Variants in KIF13A observed in about 807,000 individuals in gnomAD.
KIF13A encodes the protein kinesin family member 13A, also known as kinesin-like protein KIF13A.
A neutral mutation model predicts 212.2 loss-of-function variants in KIF13A; 79 were observed. That is an observed-to-expected ratio of 0.37 (90% CI 0.31 to 0.45). The LOEUF (loss-of-function observed/expected upper bound fraction) is 0.45. Ranked by LOEUF, KIF13A falls within the 20% of genes least tolerant of loss-of-function variation. The pLI is 1.00. For synonymous variants in KIF13A, 789 were observed against 808.6 expected, an observed-to-expected ratio of 0.98 and a Z score of 0.41; for missense variants, 1,901 against 2,209.0, an observed-to-expected ratio of 0.86 and a Z score of 2.79.
intron 2 of KIF13A, among the ~76,000 whole-genome samples, chr6:17,922,608 TA>T (rs11285603): frequency 0.76 from 110,800 of 145,204 alleles, 42,060 homozygotes; most frequent in South Asian, 0.83. Context: ...ATGAAAAACT[TA>T]AAAAAAAAAA....
rs187203586 is a variant in KIF13A at position 17,816,172 on chromosome 6, C to G, written c.2000+848G>C. ...GACCTCAGGCGATCCGCTGCCTTGG[C>G]CTCCCAAAGTGCTGGGATTACAGGC... On this transcript the variant is annotated intron_variant, in intron 17 of 38. Transcript: ENST00000259711. This position sits in a 1 kb window ranked among gnomAD's most constrained non-coding sequence, Gnocchi z 4.3. 4.2e-4 allele frequency among the ~76,000 whole-genome samples: 64 copies of G among 151,904 alleles called. No homozygotes were observed. The highest frequency in any genetic ancestry group is 7.9e-4 in the Admixed American group (12 of 15,250).
rs543902874 is a variant in KIF13A at position 17,828,443 on chromosome 6, T to C, written c.1402-73A>G. ...TCAGCAAAAATGTATCACAATCAATTTGAATAACGCAGCAGCATATGCACA... is the reference window on the plus strand; with the variant it reads ...TCAGCAAAAATGTATCACAATCAATCTGAATAACGCAGCAGCATATGCACA... On this transcript the variant is annotated intron_variant, in intron 13 of 38. Coordinates refer to ENST00000259711, the MANE Select transcript of KIF13A (RefSeq NM_022113.6). The surrounding 1 kb of genome is among the most constrained non-coding windows in gnomAD (Gnocchi z 4.3). 9.7e-6 allele frequency: 13 copies of C among 1,337,474 alleles called. No homozygotes were observed. The highest frequency in any genetic ancestry group is 2.4e-5 in the East Asian group (1 of 42,394). 82.9% of individuals were successfully genotyped at this position (1,337,474 alleles called of 1,614,324 possible). A position where few individuals can be genotyped will look rare whatever the true frequency, so the allele number is the denominator to read the frequency against.
At chr6:17,966,891 G>C (rs917844607) in intron 2 of KIF13A, among the ~76,000 whole-genome samples, 4 of 152,164 alleles carry the variant, frequency 2.6e-5, no homozygotes, top group African/African-American at 9.7e-5. Flanking sequence ...TTAAAGCACA[G>C]TGAGGTTAAG....
In KIF13A at chr6:17,837,580, C is replaced by T. The variant is rs774464987; in HGVS notation, c.834G>A (p.Ser278=). The change falls in exon 10 of 39, where the codon TCG becomes TCA. Residue 278 remains serine (S), a synonymous_variant. Transcript: ENST00000259711. This position sits in a 1 kb window ranked among gnomAD's most constrained non-coding sequence, Gnocchi z 5.4. ...RLKEGSNINK[S]LTTLGLVISS... is the part of the protein sequence containing the mutation. Reference sequence around the variant, plus strand: ...ATATAACCAACCCCAAGGTTGTAAGCGATCTGTCAAGAAAAAATGAAAAAT... The same window carrying T: ...ATATAACCAACCCCAAGGTTGTAAGTGATCTGTCAAGAAAAAATGAAAAAT... 16 of 1,595,736 alleles carry T rather than the reference C, an allele frequency of 1.0e-5. No individual in the cohort carries two copies. Among genetic ancestry groups the T allele is most frequent in the Middle Eastern group, 3.3e-4 (2 of 6,036 alleles).
At chr6:17,894,516 C>A (rs2150476538) in intron 3 of KIF13A, among the ~76,000 whole-genome samples, 1 of 151,250 alleles carries the variant, frequency 6.6e-6, no homozygotes, top group Middle Eastern at 3.4e-3. Context: ...TTTTTTTTTA[C>A]AGAAGTTTTA....
chr6:17,859,754 G>A (rs184157033), intron 4 of KIF13A, among the ~76,000 whole-genome samples: 4 of 150,138 alleles, frequency 2.7e-5, no homozygotes, highest in Non-Finnish European at 4.4e-5. Flanking sequence ...TCCTGCCTCC[G>A]CCTCCTGAGT....
chr6:17,861,207 T>G (rs1768744970), intron 4 of KIF13A, among the ~76,000 whole-genome samples: 1 of 151,994 alleles, frequency 6.6e-6, no homozygotes, highest in Non-Finnish European at 1.5e-5. Context: ...CTGAAAAAAT[T>G]TTTCATTCTC....
chr6:17,791,412 C>A (rs1581933725), intron 25 of KIF13A, among the ~76,000 whole-genome samples: 3 of 145,744 alleles, frequency 2.1e-5, no homozygotes, highest in East Asian at 2.0e-4. Context: ...AACACTGTGA[C>A]AACAACAAAA....
intron 3 of KIF13A, among the ~76,000 whole-genome samples, chr6:17,877,967 C>T (rs902502112): frequency 2.6e-5 from 4 of 152,184 alleles, no homozygotes; most frequent in Non-Finnish European, 5.9e-5. Context: ...TATTGAGTAC[C>T]TATTGTGTGC....
chr6:17,868,989 C>CAAAAAAAAAAAAAAAAAAA (rs71002278), intron 4 of KIF13A, among the ~76,000 whole-genome samples: 2 of 20,920 alleles, frequency 9.6e-5, no homozygotes, highest in African/African-American at 1.4e-4. Context: ...GACTCCCTCT[C>CAAAAAAAAAAAAAAAAAAA]AAAAAAAAAA....
At chr6:17,954,303 C>CAAAAAA (rs71002291) in intron 2 of KIF13A, among the ~76,000 whole-genome samples, 7 of 107,212 alleles carry the variant, frequency 6.5e-5, no homozygotes, top group African/African-American at 2.3e-4. Flanking sequence ...GACTCCATCT[C>CAAAAAA]AAAAAAAAAA....
At position 17,951,450 on chromosome 6, in the gene KIF13A, A is replaced by G. The variant is rs769980830; in HGVS notation, c.146+35604T>C. The G allele has an allele frequency of 3.5e-6, 2 of 571,236 alleles. No homozygotes were observed. The highest frequency in any genetic ancestry group is 4.4e-5 in the South Asian group (2 of 45,102). 35.4% of individuals were successfully genotyped at this position (571,236 alleles called of 1,614,324 possible). A position where few individuals can be genotyped will look rare whatever the true frequency, so the allele number is the denominator to read the frequency against. ...CCAGCCTCAATTTAAAAAAAAAAAA[A>G]AAACAGCTTTAAGATATAATTTATA... On this transcript the variant is annotated intron_variant, in intron 2 of 38. Coordinates refer to ENST00000259711, the MANE Select transcript of KIF13A (RefSeq NM_022113.6). The surrounding 1 kb of genome is among the most constrained non-coding windows in gnomAD (Gnocchi z 4.9).
At chr6:17,832,979 A>T (rs2150374400) in intron 12 of KIF13A, among the ~76,000 whole-genome samples, 1 of 135,186 alleles carries the variant, frequency 7.4e-6, no homozygotes, top group East Asian at 2.2e-4. Flanking sequence ...GCGCCACTGC[A>T]CTCCAGCCTG....
At chr6:17,830,139 T>C (rs1419628548) in intron 13 of KIF13A, among the ~76,000 whole-genome samples, 1 of 152,234 alleles carries the variant, frequency 6.6e-6, no homozygotes, top group Non-Finnish European at 1.5e-5. Context: ...TATTTCTCAC[T>C]TTGCAGAGTA....
intron 2 of KIF13A, among the ~76,000 whole-genome samples, chr6:17,906,403 C>T (rs1177091632): frequency 4.1e-5 from 6 of 148,140 alleles, no homozygotes; most frequent in Non-Finnish European, 7.5e-5. Flanking sequence ...TTTCTTCCCC[C>T]TTTCCCTTTC....
intron 2 of KIF13A, among the ~76,000 whole-genome samples, chr6:17,979,643 A>G (rs1409683983): frequency 6.6e-6 from 1 of 152,176 alleles, no homozygotes; most frequent in African/African-American, 2.4e-5. Context: ...CATAAAATAT[A>G]CCAAAACAAA....
Position 17,816,516 on chromosome 6 carries a change from C to T in KIF13A, c.2000+504G>A, listed in dbSNP as rs1218707492. ...TACTTTTTGTAGAGACAAGGTCTCA[C>T]TATGTTGCCTGGGCTGGATTCAAAC... On this transcript the variant is annotated intron_variant, in intron 17 of 38. Coordinates refer to ENST00000259711, the MANE Select transcript of KIF13A (RefSeq NM_022113.6). This position sits in a 1 kb window ranked among gnomAD's most constrained non-coding sequence, Gnocchi z 4.3. 6.6e-6 allele frequency among the ~76,000 whole-genome samples: 1 copy of T among 151,982 alleles called. No individual in the cohort carries two copies. The highest frequency in any genetic ancestry group is 1.9e-4 in the East Asian group (1 of 5,164).
chr6:17,931,480 T>G (rs966349568), intron 2 of KIF13A, among the ~76,000 whole-genome samples: 8 of 152,014 alleles, frequency 5.3e-5, no homozygotes, highest in African/African-American at 1.9e-4. Context: ...CCCTAAAAAC[T>G]CACATGTTGG....
intron 12 of KIF13A, 87 bp downstream of exon 12, chr6:17,833,874 G>T (rs1466618863): frequency 5.5e-4 from 207 of 375,342 alleles, no homozygotes; most frequent in Non-Finnish European, 7.1e-4. Context: ...AAAAAAAAAA[G>T]ACTTTCTGAA....
Sources: allele counts gnomAD v4.1 joint callset (sites outside exome capture counted in the v4.1 genomes callset), GRCh38; gene constraint gnomAD v4.1.1; non-coding constraint Gnocchi (gnomAD v3.1); transcripts MANE v1.5; gene names NCBI Gene and HGNC (gene_info 2026-07-23, HGNC 2026-07-21).